PDE9A: variants seen among roughly 807,000 people sequenced by gnomAD.
PDE9A encodes the protein high affinity cGMP-specific 3',5'-cyclic phosphodiesterase 9A.
A neutral mutation model predicts 87.4 loss-of-function variants in PDE9A; 60 were observed. That is an observed-to-expected ratio of 0.69 (90% CI 0.56 to 0.85). The LOEUF is 0.85. PDE9A is among the 40% of genes least tolerant of loss of function. PDE9A has a pLI of 0.00. For synonymous variants in PDE9A, 272 were observed against 279.4 expected, an observed-to-expected ratio of 0.97 and a Z score of 0.27; for missense variants, 665 against 779.0, an observed-to-expected ratio of 0.85 and a Z score of 1.74.
At chr21:42,668,904 CG>C (rs68073807) in intron 1 of PDE9A, among the ~76,000 whole-genome samples, 1 of 140,934 alleles carries the variant, frequency 7.1e-6, no homozygotes, top group Non-Finnish European at 1.5e-5. Context: ...CTCCACCCCC[CG>C]CCACGTCCCA....
At chr21:42,703,709 G>A (rs879674271) in intron 4 of PDE9A, among the ~76,000 whole-genome samples, 4 of 152,176 alleles carry the variant, frequency 2.6e-5, no homozygotes, top group Admixed American at 6.5e-5. Flanking sequence ...GGAGGACTCC[G>A]GCAAAGGCTG....
At chr21:42,729,919 G>A (rs1365151114) in intron 4 of PDE9A, among the ~76,000 whole-genome samples, 1 of 152,150 alleles carries the variant, frequency 6.6e-6, no homozygotes, top group Non-Finnish European at 1.5e-5. Flanking sequence ...GTATAGCCCA[G>A]GATATGGTCA....
intron 1 of PDE9A, among the ~76,000 whole-genome samples, chr21:42,672,231 A>G (rs2145985700): frequency 6.6e-6 from 1 of 152,356 alleles, no homozygotes; most frequent in South Asian, 2.1e-4. Context: ...TTCAGACCAC[A>G]GCTGAAGGTC....
Position 42,675,850 on chromosome 21 carries a change from A to G in PDE9A, c.70-10342A>G, listed in dbSNP as rs555436649. ...AGTTGTACTTGCTGATGTCGTTTAGATATTTGTCCCCGCCAAATCTCATGT... is the reference window on the plus strand; with the variant it reads ...AGTTGTACTTGCTGATGTCGTTTAGGTATTTGTCCCCGCCAAATCTCATGT... On this transcript the variant is annotated intron_variant, in intron 1 of 19. Transcript: ENST00000291539. This position sits in a 1 kb window ranked among gnomAD's most constrained non-coding sequence, Gnocchi z 4.3. Among the ~76,000 whole-genome samples the G allele has an allele frequency of 2.0e-5, 3 of 152,218 alleles. No individual in the cohort carries two copies. Among genetic ancestry groups the G allele is most frequent in the African/African-American group, 7.2e-5 (3 of 41,522 alleles).
rs765053206 is a variant in PDE9A, at chr21:42,760,926, C to CT, written c.1085+26dup. The CT allele has an allele frequency of 1.2e-5, 18 of 1,557,328 alleles. No homozygotes were observed. The East Asian group carries it at 1.3e-4, about 12-fold the overall frequency. Reference sequence around the variant, plus strand: ...ACAACACGTATGTACAGGATTTTCTCTTTTTTTCCTTTTAAAAGGCACCCT... The same window carrying CT: ...ACAACACGTATGTACAGGATTTTCTCTTTTTTTTCCTTTTAAAAGGCACCCT... On this transcript the variant is annotated intron_variant, in intron 13 of 19. Transcript: ENST00000291539. The surrounding 1 kb of genome is among the most constrained non-coding windows in gnomAD (Gnocchi z 5.2).
chr21:42,680,573 G>A (rs1338793525), intron 1 of PDE9A, among the ~76,000 whole-genome samples: 6 of 152,234 alleles, frequency 3.9e-5, no homozygotes, highest in Non-Finnish European at 8.8e-5. Context: ...CCAGAGCCCC[G>A]GGTCCCCTGT....
rs116598811 is a variant in PDE9A at position 42,675,103 on chromosome 21, G to A, written c.70-11089G>A. 1.3e-3 allele frequency among the ~76,000 whole-genome samples: 194 copies of A among 152,358 alleles called. 1 individual carries two copies. The highest frequency in any genetic ancestry group is 4.2e-3 in the African/African-American group (176 of 41,580). ...TTCTCACACAGGTGTGCGTTTAGGA[G>A]TGTGTAAGTGCGTGTAAGTGTGTGT... On this transcript the variant is annotated intron_variant, in intron 1 of 19. Transcript: ENST00000291539. The surrounding 1 kb of genome is among the most constrained non-coding windows in gnomAD (Gnocchi z 4.3).
intron 1 of PDE9A, among the ~76,000 whole-genome samples, chr21:42,666,674 G>C (rs780934920): frequency 1.9e-4 from 29 of 152,186 alleles, no homozygotes; most frequent in Non-Finnish European, 3.5e-4. Context: ...CCGAGCCTCT[G>C]CATGTCTGTG....
Position 42,775,293 on chromosome 21 carries a change from A to G in PDE9A, c.1782A>G (p.Ter594TrpextTer66). The change falls in exon 20 of 20, where the codon TGA becomes TGG. Residue 594 changes from the stop codon to tryptophan (W), a stop_lost. Coordinates refer to ENST00000291539, the MANE Select transcript of PDE9A (RefSeq NM_002606.3). ...DVKNSEGDCA[*>W] ...CCCTTCTTCCAGGAGACTGTGCCTG[A>G]GGAAAGCGGGGGGCGTGGCTGCAGT... is the stretch of plus-strand genomic sequence containing the variant. 1 of 1,611,064 alleles carries G rather than the reference A, an allele frequency of 6.2e-7. No homozygotes were observed. Among genetic ancestry groups the G allele is most frequent in the South Asian group, 1.1e-5 (1 of 90,234 alleles).
intron 10 of PDE9A, chr21:42,757,299 C>T (rs923834980): frequency 2.0e-5 from 3 of 152,312 alleles, no homozygotes; most frequent in Non-Finnish European, 4.4e-5. Flanking sequence ...TCTGTGGCCG[C>T]AAGTGGGGGA....
At chr21:42,661,213 T>C (rs2057456449) in intron 1 of PDE9A, among the ~76,000 whole-genome samples, 1 of 151,966 alleles carries the variant, frequency 6.6e-6, no homozygotes, top group Non-Finnish European at 1.5e-5. Context: ...TTATTTTTAG[T>C]AGAGACGGGG....
At chr21:42,688,027 G>A in intron 3 of PDE9A, 33 bp downstream of exon 3, 1 of 1,552,692 alleles carries the variant, frequency 6.4e-7, no homozygotes, top group Non-Finnish European at 8.9e-7. Flanking sequence ...CTCGGGGTGT[G>A]CCTGGCACTT....
At chr21:42,764,122 T>C (rs909727035) in intron 14 of PDE9A, among the ~76,000 whole-genome samples, 7 of 152,152 alleles carry the variant, frequency 4.6e-5, no homozygotes, top group African/African-American at 1.7e-4. Context: ...TGGGTGTGCA[T>C]GGTGATGGCC....
intron 9 of PDE9A, among the ~76,000 whole-genome samples, chr21:42,752,882 G>A (rs148910678): frequency 7.7e-4 from 117 of 152,218 alleles, no homozygotes; most frequent in Non-Finnish European, 1.1e-3. Context: ...CAGCAGGCCT[G>A]CTCTTCTAGC....
At chr21:42,689,101 A>G (rs1360140364) in intron 3 of PDE9A, among the ~76,000 whole-genome samples, 1 of 143,924 alleles carries the variant, frequency 6.9e-6, no homozygotes, top group Non-Finnish European at 1.5e-5. Context: ...TGTGGCCAGC[A>G]CCATCCCACT....
intron 4 of PDE9A, among the ~76,000 whole-genome samples, chr21:42,730,313 T>C (rs1411205634): frequency 6.6e-6 from 1 of 152,220 alleles, no homozygotes; most frequent in Non-Finnish European, 1.5e-5. Flanking sequence ...AAACATCATT[T>C]TTCTTCTTCT....
At position 42,695,383 on chromosome 21, in the gene PDE9A, C is replaced by A. The variant is rs1226968994; in HGVS notation, c.219-3585C>A. Among the ~76,000 whole-genome samples the A allele has an allele frequency of 1.3e-5, 2 of 152,230 alleles. No individual in the cohort carries two copies. Among genetic ancestry groups the A allele is most frequent in the African/African-American group, 4.8e-5 (2 of 41,462 alleles). ...GCGTTGCTTCCTGACAACCCTACCC[C>A]TTCCATTCCCCAGTCACTACTGCTT... On this transcript the variant is annotated intron_variant, in intron 3 of 19. Transcript: ENST00000291539. The surrounding 1 kb of genome is among the most constrained non-coding windows in gnomAD (Gnocchi z 4.3).
intron 4 of PDE9A, among the ~76,000 whole-genome samples, chr21:42,729,893 T>C (rs538025031): frequency 2.6e-5 from 4 of 152,174 alleles, no homozygotes; most frequent in Non-Finnish European, 5.9e-5. Flanking sequence ...TTCCTTTAGA[T>C]TGGGTGAGAT....
At chr21:42,712,859 A>G (rs528466156) in intron 4 of PDE9A, among the ~76,000 whole-genome samples, 1 of 152,248 alleles carries the variant, frequency 6.6e-6, no homozygotes, top group South Asian at 2.1e-4. Flanking sequence ...TTGTTCCAGT[A>G]CCTTTCTGCA....
Sources: allele counts gnomAD v4.1 joint callset (sites outside exome capture counted in the v4.1 genomes callset), GRCh38; gene constraint gnomAD v4.1.1; non-coding constraint Gnocchi (gnomAD v3.1); transcripts MANE v1.5; gene names NCBI Gene and HGNC (gene_info 2026-07-23, HGNC 2026-07-21).